Variants in HHAT observed in about 807,000 individuals in gnomAD.
The protein encoded by HHAT is protein-cysteine N-palmitoyltransferase HHAT.
A neutral mutation model predicts 70.8 loss-of-function variants in HHAT; 47 were observed. The ratio of observed to expected loss-of-function variants is 0.66; its 90% CI spans 0.53 to 0.85. The LOEUF (loss-of-function observed/expected upper bound fraction) is 0.85. Among genes scored for constraint, HHAT ranks in the 40% least tolerant of loss-of-function variants. The pLI is 0.00. For missense variants in HHAT, 609 were observed against 604.8 expected, an observed-to-expected ratio of 1.01 and a Z score of -0.07; for synonymous variants, 228 against 247.6, an observed-to-expected ratio of 0.92 and a Z score of 0.74.
intron 1 of HHAT, among the ~76,000 whole-genome samples, chr1:210,340,157 T>C (rs1309754956): frequency 7.2e-6 from 1 of 138,716 alleles, no homozygotes; most frequent in Non-Finnish European, 1.5e-5. Context: ...CTGGGCAACA[T>C]GGCAAAACCC....
In HHAT at chr1:210,625,316, T is replaced by C. The variant is rs138441969; in HGVS notation, c.1390+1646T>C. Among the ~76,000 whole-genome samples the C allele has an allele frequency of 8.6e-3, 1,303 of 152,316 alleles. 12 individuals are homozygous for C. The highest frequency in any genetic ancestry group is 0.011 in the Non-Finnish European group (746 of 68,038). On this transcript the variant is annotated intron_variant, in intron 11 of 11. Coordinates refer to ENST00000261458, the MANE Select transcript of HHAT (RefSeq NM_018194.6). ...GAACCTAGCACAATGATAAGAACAT[T>C]GTGACTTGGTGGGGGGAAAGTGCGG...
chr1:210,494,021 G>A lies in HHAT; in HGVS notation c.1008-19132G>A, dbSNP rs527601976. 4.3e-4 allele frequency among the ~76,000 whole-genome samples: 66 copies of A among 152,312 alleles called. No individual in the cohort carries two copies. The Middle Eastern group carries it at 0.01, about 24-fold the overall frequency. On this transcript the variant is annotated intron_variant, in intron 8 of 11. Coordinates refer to ENST00000261458, the MANE Select transcript of HHAT (RefSeq NM_018194.6). Reference sequence around the variant, plus strand: ...TCAATTCTTTTGTTCTTCTATTGAAGCAGATAAATATTAGAATTTGGTTGG... The same window carrying A: ...TCAATTCTTTTGTTCTTCTATTGAAACAGATAAATATTAGAATTTGGTTGG...
chr1:210,609,215 A>T (rs939794384), intron 10 of HHAT, among the ~76,000 whole-genome samples: 1 of 152,182 alleles, frequency 6.6e-6, no homozygotes, highest in South Asian at 2.1e-4. Context: ...TAGGTAATTT[A>T]TATTTTCTAG....
intron 11 of HHAT, among the ~76,000 whole-genome samples, chr1:210,637,873 G>GA (rs1553312438): frequency 6.5e-5 from 8 of 123,382 alleles, no homozygotes; most frequent in African/African-American, 2.2e-4. Flanking sequence ...AAAAAAAAAG[G>GA]GGGGGGCAAA....
At chr1:210,383,932 C>T (rs2090849896) in intron 3 of HHAT, among the ~76,000 whole-genome samples, 1 of 152,172 alleles carries the variant, frequency 6.6e-6, no homozygotes, top group South Asian at 2.1e-4. Context: ...TGTTACCCCT[C>T]TCATTCTGCA....
At chr1:210,360,297 T>G (rs2088132225) in intron 2 of HHAT, among the ~76,000 whole-genome samples, 1 of 143,766 alleles carries the variant, frequency 7.0e-6, no homozygotes. Flanking sequence ...GGAAAGGTTG[T>G]TTTTGTGTTT....
chr1:210,405,081 G>A (rs2092273486), intron 6 of HHAT, among the ~76,000 whole-genome samples: 1 of 152,214 alleles, frequency 6.6e-6, no homozygotes, highest in African/African-American at 2.4e-5. Context: ...CAAATAGTAT[G>A]TTTCCTTTTA....
At chr1:210,517,523 A>T (rs1358075526) in intron 9 of HHAT, among the ~76,000 whole-genome samples, 11 of 152,308 alleles carry the variant, frequency 7.2e-5, no homozygotes, top group Admixed American at 6.5e-5. Flanking sequence ...ACTCATGGAA[A>T]CAGTAGAATG....
intron 1 of HHAT, among the ~76,000 whole-genome samples, chr1:210,334,178 A>ATTTTTTTTTTTTTT (rs3033354): frequency 0.023 from 2,266 of 99,812 alleles, 491 homozygotes; most frequent in East Asian, 0.039. Flanking sequence ...TTAGCGTGTC[A>ATTTTTTTTTTTTTT]TTTTTTTTTT....
intron 9 of HHAT, among the ~76,000 whole-genome samples, chr1:210,556,750 A>G (rs888289094): frequency 2.0e-5 from 3 of 152,218 alleles, no homozygotes; most frequent in Non-Finnish European, 4.4e-5. Flanking sequence ...TTAACTTCAT[A>G]TAATTTGCCC....
chr1:210,429,731 T>A (rs1407291277), intron 7 of HHAT, among the ~76,000 whole-genome samples: 1 of 151,856 alleles, frequency 6.6e-6, no homozygotes, highest in Admixed American at 6.5e-5. Flanking sequence ...TGGTGCCAGA[T>A]CTCTCCCTTG....
intron 11 of HHAT, among the ~76,000 whole-genome samples, chr1:210,654,734 A>G (rs1240254635): frequency 4.6e-5 from 7 of 152,196 alleles, no homozygotes; most frequent in Non-Finnish European, 8.8e-5. Context: ...TATCTTCCCC[A>G]TGGAATGAGT....
Position 210,514,035 on chromosome 1 carries a change from A to G in HHAT, c.1043+847A>G, listed in dbSNP as rs562913009. The stretch of plus-strand genomic sequence containing the variant: ...GTAGACTCCATGTGATTTTTGGGTA[A>G]GTGTTATGGTGGTTCTTTTCTGTAC... On this transcript the variant is annotated intron_variant, in intron 9 of 11. Transcript: ENST00000261458. Among the ~76,000 whole-genome samples, 3 of 150,710 alleles carry G rather than the reference A, an allele frequency of 2.0e-5. No homozygotes were observed. In the South Asian group the frequency reaches 6.3e-4, roughly 31 times the overall value.
rs183325030 is a variant in HHAT, at chr1:210,530,844, C to A, written c.1043+17656C>A. 1.3e-3 allele frequency among the ~76,000 whole-genome samples: 193 copies of A among 152,112 alleles called. 1 individual carries two copies. Among genetic ancestry groups the A allele is most frequent in the African/African-American group, 4.5e-3 (185 of 41,464 alleles). On this transcript the variant is annotated intron_variant, in intron 9 of 11. Coordinates refer to ENST00000261458, the MANE Select transcript of HHAT (RefSeq NM_018194.6). The stretch of plus-strand genomic sequence containing the variant: ...CTAGTCAATTCTTTTAGTGAATTCT[C>A]TGTTCAGATGCTCAAAGTATTGACA...
At chr1:210,395,758 A>G (rs12024862) in intron 4 of HHAT, among the ~76,000 whole-genome samples, 17,764 of 152,192 alleles carry the variant, frequency 0.12, 1,352 homozygotes, top group East Asian at 0.29. Flanking sequence ...TTGGGTTCCA[A>G]AGTCCACATT....
At chr1:210,556,391 C>T (rs1309270437) in intron 9 of HHAT, among the ~76,000 whole-genome samples, 3 of 152,198 alleles carry the variant, frequency 2.0e-5, no homozygotes, top group Non-Finnish European at 4.4e-5. Context: ...TAGCTGTGGT[C>T]AGTCCTCAGA....
At chr1:210,512,693 C>T (rs1310058006) in intron 8 of HHAT, among the ~76,000 whole-genome samples, 2 of 146,388 alleles carry the variant, frequency 1.4e-5, no homozygotes, top group East Asian at 4.0e-4. Flanking sequence ...AAAAAAAACC[C>T]ATATATATGT....
At chr1:210,672,337 T>C (rs764243568) in intron 11 of HHAT, among the ~76,000 whole-genome samples, 2 of 152,202 alleles carry the variant, frequency 1.3e-5, no homozygotes, top group Non-Finnish European at 2.9e-5. Context: ...CTCCTTCCTA[T>C]TCCTACCACT....
chr1:210,605,491 C>T (rs777285390), intron 10 of HHAT, among the ~76,000 whole-genome samples: 6 of 152,172 alleles, frequency 3.9e-5, no homozygotes, highest in Non-Finnish European at 7.3e-5. Context: ...ATTGTGTCTC[C>T]TCTCAACCTG....
Sources: allele counts gnomAD v4.1 joint callset (sites outside exome capture counted in the v4.1 genomes callset), GRCh38; gene constraint gnomAD v4.1.1; transcripts MANE v1.5; gene names NCBI Gene and HGNC (gene_info 2026-07-23, HGNC 2026-07-21).